The following NCOA3 variants were observed in gnomAD, a reference collection of about 807,000 sequenced individuals.
NCOA3 encodes CBP-interacting protein.
Under a neutral mutation model 158.8 loss-of-function variants are expected in NCOA3, and 51 were observed. That is an observed-to-expected ratio of 0.32 (90% CI 0.26 to 0.41). NCOA3 has a LOEUF of 0.41. Among genes scored for constraint, NCOA3 ranks in the 10% least tolerant of loss-of-function variants. The pLI, the probability that NCOA3 is intolerant of heterozygous loss-of-function variation, is 1.00. For synonymous variants in NCOA3, 537 were observed against 592.4 expected (o/e 0.91, Z 1.36); for missense variants, 1,510 against 1,746.6 (o/e 0.86, Z 2.41).
At position 47,654,277 on chromosome 20, in the gene NCOA3, A is replaced by G. The variant is rs1042353320; in HGVS notation, c.*860A>G. 1 of 152,608 alleles carries G rather than the reference A, an allele frequency of 6.6e-6. No homozygotes were observed. The highest frequency in any genetic ancestry group is 1.5e-5 in the Non-Finnish European group (1 of 68,040). 9.5% of individuals were successfully genotyped at this position (152,608 alleles called of 1,614,324 possible). ...AAAGTACTGGTGTCACCCTTTGCCTATATGGTAGAGCAATAATGCTTTTTA... is the reference window on the plus strand; with the variant it reads ...AAAGTACTGGTGTCACCCTTTGCCTGTATGGTAGAGCAATAATGCTTTTTA... On this transcript the variant is annotated 3_prime_UTR_variant, in exon 23 of 23. Transcript: ENST00000371998.
chr20:47,520,795 G>T (rs1168713932), intron 1 of NCOA3, among the ~76,000 whole-genome samples: 2 of 152,108 alleles, frequency 1.3e-5, no homozygotes, highest in Admixed American at 6.6e-5. Context: ...AACTTGTGTT[G>T]TCCTCTCTGG....
intron 2 of NCOA3, among the ~76,000 whole-genome samples, chr20:47,589,904 C>T (rs767742304): frequency 7.1e-6 from 1 of 141,514 alleles, no homozygotes; most frequent in Non-Finnish European, 1.6e-5. Flanking sequence ...TAAACATTGA[C>T]TTCTTGTATA....
intron 1 of NCOA3, among the ~76,000 whole-genome samples, chr20:47,517,437 TC>T (rs2084251905): frequency 6.6e-6 from 1 of 150,788 alleles, no homozygotes; most frequent in Non-Finnish European, 1.5e-5. Context: ...CTTCTTTTTT[TC>T]TTTTTTCTTT....
At position 47,516,919 on chromosome 20, in the gene NCOA3, TAAAA is replaced by T. The variant is rs3092586; in HGVS notation, c.-99+14916_-99+14919del. On this transcript the variant is annotated intron_variant, in intron 1 of 22. Coordinates refer to ENST00000371998, the MANE Select transcript of NCOA3 (RefSeq NM_181659.3). ...CCTGGGCAAGAGTGAGACCCTGTCT[TAAAA>T]AAAAAAAAAAAAAAATTTGCTGGGT... is the stretch of plus-strand genomic sequence containing the variant. 1.3e-4 allele frequency among the ~76,000 whole-genome samples: 17 copies of T among 126,334 alleles called. No individual in the cohort carries two copies. The South Asian group carries it at 1.5e-3, about 11-fold the overall frequency. The allele number at this position is 126,334 out of a possible 152,430, so 82.9% of individuals were successfully genotyped here. A position where few individuals can be genotyped will look rare whatever the true frequency, so the allele number is the denominator to read the frequency against.
At chr20:47,628,378 G>T in intron 8 of NCOA3, 2 of 163,320 alleles carry the variant, frequency 1.2e-5, no homozygotes, top group Non-Finnish European at 1.3e-5. Context: ...AAAATTATAA[G>T]TAATTTAATG....
intron 1 of NCOA3, among the ~76,000 whole-genome samples, chr20:47,505,931 A>G (rs1373195559): frequency 6.6e-6 from 1 of 151,338 alleles, no homozygotes; most frequent in African/African-American, 2.4e-5. Context: ...CCCCTGCCCG[A>G]GTAGCTGGGA....
chr20:47,533,472 G>T (rs1217410397), intron 1 of NCOA3, among the ~76,000 whole-genome samples: 1 of 152,078 alleles, frequency 6.6e-6, no homozygotes, highest in Non-Finnish European at 1.5e-5. Flanking sequence ...AATAGATTTT[G>T]TATGTATATC....
intron 2 of NCOA3, among the ~76,000 whole-genome samples, chr20:47,610,140 A>G (rs922908950): frequency 6.6e-6 from 1 of 152,136 alleles, no homozygotes; most frequent in African/African-American, 2.4e-5. Flanking sequence ...TATTGTTGTC[A>G]TCAGATGAAT....
At chr20:47,544,337 T>TTC (rs1431923263) in intron 1 of NCOA3, among the ~76,000 whole-genome samples, 2 of 103,642 alleles carry the variant, frequency 1.9e-5, no homozygotes, top group Non-Finnish European at 3.8e-5. Flanking sequence ...TTTTTTTTTT[T>TTC]CCCTTAAACG....
intron 1 of NCOA3, among the ~76,000 whole-genome samples, chr20:47,572,568 A>T (rs754194665): frequency 6.7e-6 from 1 of 149,238 alleles, no homozygotes; most frequent in Non-Finnish European, 1.5e-5. Context: ...AGACAGTCTC[A>T]CTCTGTTGCC....
chr20:47,650,867 A>G, intron 19 of NCOA3, 115 bp from the exon 20 acceptor site: 3 of 1,011,954 alleles, frequency 3.0e-6, no homozygotes, highest in Non-Finnish European at 4.4e-6. Context: ...TGTTAAAAAA[A>G]AGAAGGCCCT....
At chr20:47,640,887 C>T (rs1274877483) in intron 16 of NCOA3, among the ~76,000 whole-genome samples, 1 of 145,850 alleles carries the variant, frequency 6.9e-6, no homozygotes, top group African/African-American at 2.5e-5. Context: ...GACTCCGTCT[C>T]TAAAAAAAAA....
intron 1 of NCOA3, among the ~76,000 whole-genome samples, chr20:47,544,087 T>C (rs1266072415): frequency 1.3e-5 from 2 of 152,180 alleles, no homozygotes; most frequent in Non-Finnish European, 2.9e-5. Flanking sequence ...AGCCATGTTA[T>C]AGTGATCAAA....
At chr20:47,506,120 T>C (rs1472387523) in intron 1 of NCOA3, among the ~76,000 whole-genome samples, 5 of 152,128 alleles carry the variant, frequency 3.3e-5, no homozygotes, top group Non-Finnish European at 7.4e-5. Flanking sequence ...TCTCCCATTT[T>C]ATGAGTGCTT....
intron 1 of NCOA3, among the ~76,000 whole-genome samples, chr20:47,580,906 G>A (rs147906406): frequency 6.6e-6 from 1 of 152,172 alleles, no homozygotes; most frequent in Admixed American, 6.5e-5. Flanking sequence ...TTCAAGGCCA[G>A]CCTGGGCAAC....
chr20:47,547,409 A>G lies in NCOA3; in HGVS notation c.-98-35774A>G, dbSNP rs138953086. Among the ~76,000 whole-genome samples the G allele has an allele frequency of 4.3e-3, 646 of 149,980 alleles. 11 individuals carry two copies. Among genetic ancestry groups the G allele is most frequent in the African/African-American group, 0.014 (593 of 41,110 alleles). ...GTTGATTTTATTTTATTTTTATATTATTATTATTATTATTATTATTTTAGA... is the reference window on the plus strand; with the variant it reads ...GTTGATTTTATTTTATTTTTATATTGTTATTATTATTATTATTATTTTAGA... On this transcript the variant is annotated intron_variant, in intron 1 of 22. Coordinates refer to ENST00000371998, the MANE Select transcript of NCOA3 (RefSeq NM_181659.3).
chr20:47,572,496 A>T (rs1468659894), intron 1 of NCOA3, among the ~76,000 whole-genome samples: 1 of 151,354 alleles, frequency 6.6e-6, no homozygotes, highest in Non-Finnish European at 1.5e-5. Flanking sequence ...CAGCTTTTTG[A>T]CATGCCTTCC....
intron 8 of NCOA3, among the ~76,000 whole-genome samples, chr20:47,629,537 G>T (rs1311431187): frequency 2.0e-5 from 3 of 152,034 alleles, no homozygotes; most frequent in Admixed American, 2.0e-4. Context: ...CACAATGTTG[G>T]TCAGGCTGGT....
At chr20:47,519,327 G>C (rs2084288218) in intron 1 of NCOA3, among the ~76,000 whole-genome samples, 1 of 151,778 alleles carries the variant, frequency 6.6e-6, no homozygotes, top group Non-Finnish European at 1.5e-5. Context: ...AGTTACTCAG[G>C]AGGCTGAGGC....
Sources: allele counts gnomAD v4.1 joint callset (sites outside exome capture counted in the v4.1 genomes callset), GRCh38; gene constraint gnomAD v4.1.1; transcripts MANE v1.5; gene names NCBI Gene and HGNC (gene_info 2026-07-23, HGNC 2026-07-21).